MYO9A: variants seen among roughly 807,000 people sequenced by gnomAD.
MYO9A encodes unconventional myosin-IXa.
A neutral mutation model predicts 293.3 loss-of-function variants in MYO9A; 103 were observed. The ratio of observed to expected loss-of-function variants is 0.35; its 90% confidence interval spans 0.30 to 0.41. The LOEUF (loss-of-function observed/expected upper bound fraction) is 0.41, where lower values mean the gene tolerates loss of function less well. Among genes scored for constraint, MYO9A ranks in the 10% least tolerant of loss-of-function variants. The pLI is 1.00. For missense variants in MYO9A, 2,685 were observed against 3,033.0 expected (o/e 0.89, Z 2.69); for synonymous variants, 1,001 against 1,035.7 (o/e 0.97, Z 0.64).
chr15:71,832,566 A>G (rs1186663830), intron 39 of MYO9A, among the ~76,000 whole-genome samples: 1 of 152,228 alleles, frequency 6.6e-6, no homozygotes, highest in Non-Finnish European at 1.5e-5. Flanking sequence ...ATGGTGATGA[A>G]AAAGTAACTG....
intron 1 of MYO9A, among the ~76,000 whole-genome samples, chr15:72,109,129 T>C (rs752178874): frequency 1.3e-5 from 2 of 152,088 alleles, no homozygotes; most frequent in Non-Finnish European, 2.9e-5. Context: ...GGCTCAGGCC[T>C]GTAATCCCAG....
intron 39 of MYO9A, among the ~76,000 whole-genome samples, chr15:71,833,005 C>T (rs1346983078): frequency 1.3e-5 from 2 of 148,902 alleles, no homozygotes; most frequent in African/African-American, 2.5e-5. Context: ...AACTTCCAAA[C>T]AAAAGAAAAA....
chr15:72,027,844 G>T, intron 3 of MYO9A, 51 bp from the exon 4 acceptor site: 1 of 1,281,282 alleles, frequency 7.8e-7, no homozygotes, highest in Non-Finnish European at 1.1e-6. Flanking sequence ...TTAATATAAG[G>T]CAGAAAAATA....
intron 9 of MYO9A, among the ~76,000 whole-genome samples, chr15:71,994,956 TC>T (rs2076655698): frequency 6.6e-6 from 1 of 152,280 alleles, no homozygotes; most frequent in Admixed American, 6.5e-5. Flanking sequence ...GGTCTCAAAT[TC>T]CTGACCTCAG....
chr15:72,103,391 C>A (rs1379539613), intron 1 of MYO9A, among the ~76,000 whole-genome samples: 1 of 142,746 alleles, frequency 7.0e-6, no homozygotes. Context: ...GCAGCAGCAG[C>A]AGAAGCAGCA....
chr15:71,836,806 A>G (rs2054961526), intron 39 of MYO9A, among the ~76,000 whole-genome samples: 1 of 152,092 alleles, frequency 6.6e-6, no homozygotes, highest in African/African-American at 2.4e-5. Flanking sequence ...AACAAAAAAT[A>G]AAGTAAGTCA....
chr15:71,909,165 T>C (rs1277065892), intron 19 of MYO9A, among the ~76,000 whole-genome samples: 1 of 152,216 alleles, frequency 6.6e-6, no homozygotes, highest in Non-Finnish European at 1.5e-5. Context: ...CTGAAGGACA[T>C]CTTGACTGTT....
At chr15:72,010,706 T>C (rs1235102642) in intron 6 of MYO9A, among the ~76,000 whole-genome samples, 1 of 152,180 alleles carries the variant, frequency 6.6e-6, no homozygotes, top group Non-Finnish European at 1.5e-5. Flanking sequence ...ATTTCAAAAG[T>C]TAACTTAAGA....
chr15:71,869,413 C>A (rs1043443287), intron 32 of MYO9A, among the ~76,000 whole-genome samples: 1 of 152,028 alleles, frequency 6.6e-6, no homozygotes, highest in Non-Finnish European at 1.5e-5. Context: ...GAAAAACATG[C>A]TCTAAAAAAA....
At chr15:72,091,121 C>CCCAGGA (rs2079893325) in intron 1 of MYO9A, among the ~76,000 whole-genome samples, 1 of 151,852 alleles carries the variant, frequency 6.6e-6, no homozygotes. Context: ...ATCACTGGAC[C>CCCAGGA]CCAGGAGTTC....
chr15:72,088,097 C>T (rs1032076736), intron 1 of MYO9A, among the ~76,000 whole-genome samples: 9 of 152,206 alleles, frequency 5.9e-5, no homozygotes, highest in African/African-American at 1.9e-4. Context: ...AAAAGAGGCT[C>T]CAGGAGAAAC....
At chr15:71,841,129 A>G (rs1263562475) in intron 39 of MYO9A, among the ~76,000 whole-genome samples, 2 of 152,126 alleles carry the variant, frequency 1.3e-5, no homozygotes, top group African/African-American at 4.8e-5. Context: ...TATCATCTTT[A>G]AGTTCCTTCA....
intron 39 of MYO9A, among the ~76,000 whole-genome samples, chr15:71,836,662 TAA>T (rs1470140675): frequency 6.6e-6 from 1 of 152,008 alleles, no homozygotes; most frequent in African/African-American, 2.4e-5. Flanking sequence ...AAAATATGAA[TAA>T]GTCTTACACA....
Position 71,994,508 on chromosome 15 carries a change from A to G in MYO9A, c.1548T>C (p.His516=), listed in dbSNP as rs1299989019. 1.9e-6 allele frequency: 3 copies of G among 1,611,330 alleles called. No individual in the cohort carries two copies. Among genetic ancestry groups the G allele is most frequent in the Non-Finnish European group, 2.5e-6 (3 of 1,179,088 alleles). The change falls in exon 10 of 42, where the codon CAT becomes CAC. Residue 516 remains histidine, a synonymous_variant. Coordinates refer to ENST00000356056, the MANE Select transcript of MYO9A (RefSeq NM_006901.4). Reference sequence around the variant, plus strand: ...CTAAATCTTTACTATTCAGAAGTGCATGATTAATTCGAAAAACTATCCAGT... The same window carrying G: ...CTAAATCTTTACTATTCAGAAGTGCGTGATTAATTCGAAAAACTATCCAGT... ...LFDWIVFRIN[H]ALLNSKDLEH...
At position 71,903,109 on chromosome 15, in the gene MYO9A, G is replaced by A. The variant is rs953627744; in HGVS notation, c.2878-46C>T. 7 of 1,483,672 alleles carry A rather than the reference G, an allele frequency of 4.7e-6. 1 individual carries two copies. Among genetic ancestry groups the A allele is most frequent in the Non-Finnish European group, 6.5e-6 (7 of 1,081,198 alleles). The allele number at this position is 1,483,672 out of a possible 1,614,324, so 91.9% of individuals were successfully genotyped here. A position where few individuals can be genotyped will look rare whatever the true frequency, so the allele number is the denominator to read the frequency against. Reference sequence around the variant, plus strand: ...ATTGTAAAATCAGAAAACAGTGTATGTAAACAAGACCTTAAACTAATTATC... The same window carrying A: ...ATTGTAAAATCAGAAAACAGTGTATATAAACAAGACCTTAAACTAATTATC... On this transcript the variant is annotated intron_variant, in intron 21 of 41. Transcript: ENST00000356056.
At chr15:71,840,509 G>A (rs945852765) in intron 39 of MYO9A, among the ~76,000 whole-genome samples, 1 of 152,202 alleles carries the variant, frequency 6.6e-6, no homozygotes, top group South Asian at 2.1e-4. Flanking sequence ...TTCCCTCCTA[G>A]TGGGTATTGA....
chr15:72,012,765 C>T (rs764127222), intron 6 of MYO9A, among the ~76,000 whole-genome samples: 46 of 152,128 alleles, frequency 3.0e-4, no homozygotes, highest in Non-Finnish European at 5.4e-4. Context: ...GGAATCTATG[C>T]TTCCACATGT....
At chr15:71,905,173 G>A (rs192689951) in intron 19 of MYO9A, among the ~76,000 whole-genome samples, 167 bp from the exon 20 acceptor site, 54 of 152,148 alleles carry the variant, frequency 3.5e-4, no homozygotes, top group African/African-American at 1.2e-3. Flanking sequence ...GTTAAATTAT[G>A]GATAATTAAG....
chr15:71,875,154 A>C (rs1160742410), intron 32 of MYO9A, among the ~76,000 whole-genome samples: 7 of 151,818 alleles, frequency 4.6e-5, no homozygotes, highest in Non-Finnish European at 1.0e-4. Context: ...GTTTCTATCT[A>C]TTGTATTATA....
Sources: gnomAD v4.1 joint callset for allele counts (sites outside exome capture counted in the v4.1 genomes callset) on GRCh38, gnomAD v4.1.1 for gene constraint, MANE v1.5 for transcripts, NCBI Gene and HGNC (gene_info 2026-07-23, HGNC 2026-07-21) for gene names.